KIAA1217: variants seen among roughly 807,000 people sequenced by gnomAD.
KIAA1217 encodes the protein KIAA1217, also known as sickle tail protein homolog.
In KIAA1217, 88 loss-of-function variants were observed where a neutral mutation model predicts 163.9. That is an observed-to-expected ratio of 0.54 (90% CI 0.45 to 0.64). The LOEUF (loss-of-function observed/expected upper bound fraction) is 0.64. Among genes scored for constraint, KIAA1217 ranks in the 30% least tolerant of loss-of-function variants. The pLI is 0.00. For missense variants in KIAA1217, 2,372 were observed against 2,475.0 expected (o/e 0.96, Z 0.88); for synonymous variants, 903 against 923.1 (o/e 0.98, Z 0.39).
chr10:24,296,318 T>G (rs1239165066), intron 2 of KIAA1217, among the ~76,000 whole-genome samples: 2 of 152,060 alleles, frequency 1.3e-5, no homozygotes, highest in Non-Finnish European at 2.9e-5. Context: ...CCAAGGCTGG[T>G]TGGTCTCAAA....
intron 3 of KIAA1217, among the ~76,000 whole-genome samples, chr10:24,432,661 C>T (rs1419220403): frequency 6.6e-6 from 1 of 151,936 alleles, no homozygotes; most frequent in Non-Finnish European, 1.5e-5. Flanking sequence ...TGCTACATTG[C>T]CCAGGTGGGT....
At chr10:23,941,979 G>A (rs1843791512) in intron 1 of KIAA1217, among the ~76,000 whole-genome samples, 1 of 126,472 alleles carries the variant, frequency 7.9e-6, no homozygotes, top group Non-Finnish European at 1.7e-5. Context: ...TAATTCAACT[G>A]CCTGCTAGAA....
Position 24,438,447 on chromosome 10 carries a change from C to T in KIAA1217, c.814C>T (p.His272Tyr), listed in dbSNP as rs754581453. ...CAAGGATCCTGCACATGCGTTTAAT[C>T]ACACACCAAAAACTATGAATGGAGA... ...YNKDPAHAFNHTPKTMNGDMR... is the reference protein window; with the variant it reads ...YNKDPAHAFNYTPKTMNGDMR... Residue 272 changes from histidine (H) to tyrosine (Y), a missense_variant, in exon 5 of 21, where the codon CAC becomes TAC. Coordinates refer to ENST00000376454, the MANE Select transcript of KIAA1217 (RefSeq NM_019590.5). 83 of 1,612,668 alleles carry T rather than the reference C, an allele frequency of 5.1e-5. No homozygotes were observed. The highest frequency in any genetic ancestry group is 3.3e-4 in the Middle Eastern group (2 of 6,084).
intron 1 of KIAA1217, among the ~76,000 whole-genome samples, chr10:23,808,652 G>T (rs544456804): frequency 8.6e-5 from 13 of 151,896 alleles, no homozygotes; most frequent in African/African-American, 2.9e-4. Context: ...GAAAGGTAGA[G>T]ATGAAAAATT....
intron 3 of KIAA1217, among the ~76,000 whole-genome samples, chr10:24,427,778 C>T (rs1336688371): frequency 1.3e-5 from 2 of 152,262 alleles, no homozygotes; most frequent in South Asian, 2.1e-4. Context: ...CCAAAGCATG[C>T]GGAATCTCTA....
At chr10:24,208,918 C>G, upstream of KIAA1217, 2 of 362,322 alleles carry the variant, frequency 5.5e-6, no homozygotes, top group South Asian at 6.0e-5. Context: ...AGCCCCCAGT[C>G]CCCGGAGAGC....
chr10:24,422,901 C>A (rs1591802095), intron 3 of KIAA1217, among the ~76,000 whole-genome samples: 1 of 120,622 alleles, frequency 8.3e-6, no homozygotes. Flanking sequence ...ATAGATTTAA[C>A]TTTTTTTTTT....
Position 24,202,363 on chromosome 10 carries a change from G to C in KIAA1217, c.-170-17263G>C, listed in dbSNP as rs185675972. 4.9e-4 allele frequency among the ~76,000 whole-genome samples: 74 copies of C among 152,244 alleles called. No homozygotes were observed. The East Asian group carries it at 0.012, about 24-fold the overall frequency. ...GAGGAGCTCTGAATTCCAAAGGTAG[G>C]GGGAGAGGAGAGCAAAGCTCAGGGG... On this transcript the variant is annotated intron_variant, in intron 2 of 18. Transcript: ENST00000376462.
chr10:24,191,541 A>T (rs1010566211), intron 2 of KIAA1217, among the ~76,000 whole-genome samples: 1 of 150,770 alleles, frequency 6.6e-6, no homozygotes, highest in South Asian at 2.1e-4. Flanking sequence ...AACACATCTC[A>T]TGTACCCACA....
chr10:24,232,935 C>CAAAAAAAAAAAAAAAAAA (rs908492411), intron 2 of KIAA1217, among the ~76,000 whole-genome samples: 5 of 56,318 alleles, frequency 8.9e-5, no homozygotes, highest in East Asian at 6.4e-4. Context: ...CTTATCTCTA[C>CAAAAAAAAAAAAAAAAAA]AAAAAAAAAA....
At chr10:23,796,943 C>T (rs913654439) in intron 1 of KIAA1217, among the ~76,000 whole-genome samples, 3 of 152,120 alleles carry the variant, frequency 2.0e-5, no homozygotes, top group African/African-American at 7.2e-5. Flanking sequence ...GCCTCAATCT[C>T]CTGGGCTCAA....
At chr10:24,402,523 C>CAAAAAAAAAAAAAAAAAA (rs1173653514) in intron 3 of KIAA1217, among the ~76,000 whole-genome samples, 9 of 71,000 alleles carry the variant, frequency 1.3e-4, no homozygotes, top group African/African-American at 4.2e-4. Flanking sequence ...AAACAAAAAA[C>CAAAAAAAAAAAAAAAAAA]AAAACAAAAA....
At chr10:24,338,300 A>T (rs551202774) in intron 2 of KIAA1217, among the ~76,000 whole-genome samples, 1 of 152,336 alleles carries the variant, frequency 6.6e-6, no homozygotes, top group African/African-American at 2.4e-5. Context: ...ATGCAGGTGC[A>T]TCCTCTGGTG....
At chr10:23,699,120 C>G (rs996150371) in intron 1 of KIAA1217, among the ~76,000 whole-genome samples, 3 of 152,214 alleles carry the variant, frequency 2.0e-5, no homozygotes, top group African/African-American at 7.2e-5. Flanking sequence ...CCATGCCAAC[C>G]CCCTACTTTC....
chr10:24,009,166 A>G (rs1332776507), intron 2 of KIAA1217, among the ~76,000 whole-genome samples: 1 of 152,256 alleles, frequency 6.6e-6, no homozygotes, highest in Non-Finnish European at 1.5e-5. Context: ...AAAGCTGGAA[A>G]TTCACTTTTA....
chr10:23,735,240 T>C (rs1004287429), intron 1 of KIAA1217, among the ~76,000 whole-genome samples: 1 of 151,998 alleles, frequency 6.6e-6, no homozygotes, highest in South Asian at 2.1e-4. Context: ...TATTTATTTA[T>C]TTATTTATTT....
chr10:24,287,810 G>A (rs1318686947), intron 2 of KIAA1217, among the ~76,000 whole-genome samples: 1 of 152,196 alleles, frequency 6.6e-6, no homozygotes, highest in African/African-American at 2.4e-5. Flanking sequence ...CATTGTACTA[G>A]TTGAGAACTG....
intron 5 of KIAA1217, among the ~76,000 whole-genome samples, chr10:24,446,098 T>C (rs1191327266): frequency 1.3e-5 from 2 of 152,198 alleles, no homozygotes; most frequent in Non-Finnish European, 1.5e-5. Context: ...TGGTATCTGA[T>C]TGTGGTTTTG....
chr10:23,944,728 A>G (rs1843934591), intron 1 of KIAA1217, among the ~76,000 whole-genome samples: 1 of 152,200 alleles, frequency 6.6e-6, no homozygotes, highest in African/African-American at 2.4e-5. Flanking sequence ...CATTGGTGGT[A>G]CAGATATAAT....
Sources: allele counts gnomAD v4.1 joint callset (sites outside exome capture counted in the v4.1 genomes callset), GRCh38; gene constraint gnomAD v4.1.1; transcripts MANE v1.5; gene names NCBI Gene and HGNC (gene_info 2026-07-23, HGNC 2026-07-21).